The following EYS variants were observed in gnomAD, a reference collection of about 807,000 sequenced individuals.
The protein encoded by EYS is EGF-like photoreceptor maintenance factor, also known as protein eyes shut homolog.
EYS carries 250 observed loss-of-function variants against 282.1 expected under a neutral mutation model. The ratio of observed to expected loss-of-function variants is 0.89; its 90% CI spans 0.80 to 0.98. The LOEUF (loss-of-function observed/expected upper bound fraction) is 0.98, where lower values mean the gene tolerates loss of function less well. EYS is among the 50% of genes least tolerant of loss of function. EYS has a pLI of 0.00. For synonymous variants in EYS, 1,355 were observed against 1,282.9 expected (o/e 1.06, Z -1.20); for missense variants, 4,016 against 3,709.0 (o/e 1.08, Z -2.15).
chr6:65,703,573 T>C (rs1769762698), intron 1 of EYS, among the ~76,000 whole-genome samples: 1 of 151,546 alleles, frequency 6.6e-6, no homozygotes, highest in Admixed American at 6.6e-5. Flanking sequence ...TGTGTATTTA[T>C]TTTCTACATA....
intron 29 of EYS, among the ~76,000 whole-genome samples, chr6:64,353,945 A>T (rs1771734210): frequency 6.6e-6 from 1 of 151,560 alleles, no homozygotes; most frequent in African/African-American, 2.4e-5. Flanking sequence ...AAATTTGTAA[A>T]TACAAAGAAC....
At chr6:65,370,794 A>T (rs905569786) in intron 8 of EYS, among the ~76,000 whole-genome samples, 1 of 151,954 alleles carries the variant, frequency 6.6e-6, no homozygotes, top group Non-Finnish European at 1.5e-5. Flanking sequence ...CCCTCCAAAT[A>T]GGGTTCCACC....
intron 12 of EYS, among the ~76,000 whole-genome samples, chr6:65,217,111 C>T (rs183511284): frequency 6.6e-5 from 10 of 151,954 alleles, no homozygotes; most frequent in Non-Finnish European, 1.0e-4. Flanking sequence ...ATAGTGTATC[C>T]GATCAGGAGA....
intron 19 of EYS, among the ~76,000 whole-genome samples, chr6:64,885,694 T>C (rs1457561313): frequency 6.6e-6 from 1 of 151,832 alleles, no homozygotes; most frequent in Non-Finnish European, 1.5e-5. Flanking sequence ...TGATAGTTTT[T>C]GTGTATATGA....
At chr6:65,273,483 T>G (rs935013392) in intron 12 of EYS, among the ~76,000 whole-genome samples, 1 of 152,018 alleles carries the variant, frequency 6.6e-6, no homozygotes, top group Non-Finnish European at 1.5e-5. Context: ...CCTAGCAAGC[T>G]CACTTCAAGG....
chr6:65,450,729 C>T (rs1359260580), intron 5 of EYS, among the ~76,000 whole-genome samples: 5 of 152,148 alleles, frequency 3.3e-5, no homozygotes, highest in Non-Finnish European at 7.4e-5. Flanking sequence ...GCCACTTACA[C>T]TCCTAAGACC....
At chr6:65,504,627 AT>A (rs1332494289) in intron 2 of EYS, among the ~76,000 whole-genome samples, 2 of 151,268 alleles carry the variant, frequency 1.3e-5, no homozygotes, top group Non-Finnish European at 3.0e-5. Context: ...TTTGTAAAAT[AT>A]TTTTTCTGTG....
intron 31 of EYS, among the ~76,000 whole-genome samples, chr6:64,115,179 G>A (rs1303766628): frequency 6.6e-6 from 1 of 152,180 alleles, no homozygotes; most frequent in Non-Finnish European, 1.5e-5. Context: ...CTCTGCACAT[G>A]AGTATGTCCC....
chr6:65,027,496 C>T (rs1772457258), intron 13 of EYS, among the ~76,000 whole-genome samples: 1 of 152,134 alleles, frequency 6.6e-6, no homozygotes, highest in South Asian at 2.1e-4. Flanking sequence ...AACATGTGTA[C>T]CATCACAGGA....
At chr6:63,761,430 C>A (rs1190732651) in intron 41 of EYS, among the ~76,000 whole-genome samples, 4 of 152,044 alleles carry the variant, frequency 2.6e-5, no homozygotes, top group Non-Finnish European at 4.4e-5. Flanking sequence ...TTCTAACCCT[C>A]AAATGTCTTC....
chr6:64,790,321 C>T (rs1454014117), intron 22 of EYS, among the ~76,000 whole-genome samples: 2 of 151,844 alleles, frequency 1.3e-5, no homozygotes, highest in African/African-American at 4.8e-5. Flanking sequence ...TAAACCTGCA[C>T]ATACACCCCC....
chr6:65,476,332 C>G (rs1434527532), intron 5 of EYS, among the ~76,000 whole-genome samples: 2 of 152,062 alleles, frequency 1.3e-5, no homozygotes, highest in Non-Finnish European at 2.9e-5. Context: ...AGAATAAAAT[C>G]TAATGCATAA....
intron 12 of EYS, among the ~76,000 whole-genome samples, chr6:65,239,204 T>A (rs1766998254): frequency 6.6e-6 from 1 of 152,046 alleles, no homozygotes; most frequent in Non-Finnish European, 1.5e-5. Flanking sequence ...GTGATGCTCA[T>A]TGTCTCCTAA....
At position 65,220,251 on chromosome 6, in the gene EYS, GA is replaced by G. The variant is rs1040518211; in HGVS notation, c.2023+75611del. Reference sequence around the variant, plus strand: ...ACCAAATCCAGAAAAAGAAATATTGGAAAAAAAAATTCACTCTTCATTAGGT... The same window carrying G: ...ACCAAATCCAGAAAAAGAAATATTGGAAAAAAAATTCACTCTTCATTAGGT... On this transcript the variant is annotated intron_variant, in intron 12 of 42. Transcript: ENST00000503581. Among the ~76,000 whole-genome samples, 8 of 150,748 alleles carry G rather than the reference GA, an allele frequency of 5.3e-5. No homozygotes were observed. The South Asian group carries it at 1.3e-3, about 24-fold the overall frequency.
chr6:65,678,711 TAAAC>T (rs1390334638), intron 1 of EYS, among the ~76,000 whole-genome samples: 3 of 148,006 alleles, frequency 2.0e-5, no homozygotes, highest in South Asian at 2.1e-4. Flanking sequence ...ATATGTCTAA[TAAAC>T]AAACAGCAAT....
chr6:64,281,006 G>T (rs1768288743), intron 30 of EYS, among the ~76,000 whole-genome samples: 1 of 152,098 alleles, frequency 6.6e-6, no homozygotes, highest in Non-Finnish European at 1.5e-5. Flanking sequence ...TATGGTTGTG[G>T]ATAGGAATAT....
At chr6:64,508,551 T>TTA (rs1777284192) in intron 26 of EYS, among the ~76,000 whole-genome samples, 1 of 142,506 alleles carries the variant, frequency 7.0e-6, no homozygotes, top group Admixed American at 7.0e-5. Context: ...TTTCTAAGTA[T>TTA]TTATTATTAT....
intron 12 of EYS, among the ~76,000 whole-genome samples, chr6:65,270,603 GTCT>G (rs1392964533): frequency 6.6e-6 from 1 of 151,882 alleles, no homozygotes; most frequent in East Asian, 1.9e-4. Flanking sequence ...TAATAATTTG[GTCT>G]TCAAGTCATT....
At chr6:65,138,314 A>C (rs1339885526) in intron 12 of EYS, among the ~76,000 whole-genome samples, 1 of 152,108 alleles carries the variant, frequency 6.6e-6, no homozygotes, top group Admixed American at 6.6e-5. Flanking sequence ...TGAGTATCAC[A>C]ATCTTCACAT....
Sources: gnomAD v4.1 joint callset for allele counts (sites outside exome capture counted in the v4.1 genomes callset) on GRCh38, gnomAD v4.1.1 for gene constraint, MANE v1.5 for transcripts, NCBI Gene and HGNC (gene_info 2026-07-23, HGNC 2026-07-21) for gene names.